Variants in SORCS3 observed in about 807,000 individuals in gnomAD.
The protein encoded by SORCS3 is VPS10 domain-containing receptor SorCS3.
Under a neutral mutation model 146.3 loss-of-function variants are expected in SORCS3, and 57 were observed. The ratio of observed to expected loss-of-function variants is 0.39; its 90% CI spans 0.31 to 0.49. The LOEUF (loss-of-function observed/expected upper bound fraction) is 0.49. Ranked by LOEUF, SORCS3 falls within the 20% of genes least tolerant of loss-of-function variation. The probability of loss-of-function intolerance (pLI) is 0.92; values close to 1 mark genes in which losing one functional copy is unlikely to be tolerated. For synonymous variants in SORCS3, 653 were observed against 618.5 expected, an observed-to-expected ratio of 1.06 and a Z score of -0.83; for missense variants, 1,341 against 1,575.5, an observed-to-expected ratio of 0.85 and a Z score of 2.52.
chr10:104,961,171 C>T (rs1253238424), intron 3 of SORCS3, among the ~76,000 whole-genome samples: 1 of 152,082 alleles, frequency 6.6e-6, no homozygotes, highest in Non-Finnish European at 1.5e-5. Flanking sequence ...CCACTGTGGT[C>T]CCAGATGTGC....
intron 2 of SORCS3, among the ~76,000 whole-genome samples, chr10:104,847,267 G>A (rs2018216385): frequency 6.6e-6 from 1 of 152,168 alleles, no homozygotes; most frequent in African/African-American, 2.4e-5. Context: ...ACTGCTCGAG[G>A]TTATTAAATC....
At chr10:105,033,727 TA>T (rs2055286104) in intron 4 of SORCS3, among the ~76,000 whole-genome samples, 1 of 152,206 alleles carries the variant, frequency 6.6e-6, no homozygotes, top group African/African-American at 2.4e-5. Context: ...AGATGGTGTT[TA>T]TAGGATACTG....
At chr10:104,652,701 T>A (rs551764172) in intron 1 of SORCS3, among the ~76,000 whole-genome samples, 10 of 152,334 alleles carry the variant, frequency 6.6e-5, no homozygotes, top group African/African-American at 2.4e-4. Context: ...CTGATAATAA[T>A]AAAATTCTCA....
intron 20 of SORCS3, among the ~76,000 whole-genome samples, chr10:105,242,476 T>TTTA (rs1564793491): frequency 2.2e-3 from 176 of 79,638 alleles, no homozygotes; most frequent in African/African-American, 7.1e-3. Flanking sequence ...ATTTATATAT[T>TTTA]TATATATTTA....
At chr10:104,973,306 C>G (rs2133644985) in intron 3 of SORCS3, among the ~76,000 whole-genome samples, 1 of 151,440 alleles carries the variant, frequency 6.6e-6, no homozygotes, top group African/African-American at 2.4e-5. Context: ...TAGAATTCGG[C>G]TGTGAATCCA....
intron 13 of SORCS3, among the ~76,000 whole-genome samples, chr10:105,175,151 G>A (rs1201104158): frequency 1.3e-5 from 2 of 151,864 alleles, no homozygotes; most frequent in Admixed American, 6.6e-5. Context: ...AGATTCAAGC[G>A]ATTCTCCTGC....
At chr10:105,164,282 A>C in intron 11 of SORCS3, 21 bp from the exon 12 acceptor site, 1 of 1,600,042 alleles carries the variant, frequency 6.2e-7, no homozygotes, top group Non-Finnish European at 8.6e-7. Context: ...GACAATCTCA[A>C]ATGATCTGCT....
At chr10:104,828,571 G>A (rs2017965333) in intron 1 of SORCS3, among the ~76,000 whole-genome samples, 1 of 152,136 alleles carries the variant, frequency 6.6e-6, no homozygotes, top group South Asian at 2.1e-4. Context: ...TTTCCAAAAT[G>A]TGACGCAGGG....
At chr10:104,961,538 T>C (rs1169846710) in intron 3 of SORCS3, among the ~76,000 whole-genome samples, 2 of 152,178 alleles carry the variant, frequency 1.3e-5, no homozygotes, top group Non-Finnish European at 2.9e-5. Context: ...GATTTGCTTT[T>C]TAAAATTACT....
intron 2 of SORCS3, among the ~76,000 whole-genome samples, chr10:104,864,088 C>T (rs1409023275): frequency 2.0e-5 from 3 of 152,032 alleles, no homozygotes; most frequent in Admixed American, 1.3e-4. Flanking sequence ...TAATATTATC[C>T]TAATTTAAAC....
At chr10:104,772,452 T>C (rs1589493582) in intron 1 of SORCS3, among the ~76,000 whole-genome samples, 1 of 152,202 alleles carries the variant, frequency 6.6e-6, no homozygotes, top group African/African-American at 2.4e-5. Flanking sequence ...TTCCACCAGG[T>C]TGGCTGCAGC....
At chr10:104,742,639 C>A (rs2016861792) in intron 1 of SORCS3, among the ~76,000 whole-genome samples, 1 of 152,178 alleles carries the variant, frequency 6.6e-6, no homozygotes, top group Admixed American at 6.5e-5. Context: ...GGGCCTGGGG[C>A]CTCAAGAGGT....
At chr10:104,770,947 T>C (rs577844116) in intron 1 of SORCS3, among the ~76,000 whole-genome samples, 1 of 152,380 alleles carries the variant, frequency 6.6e-6, no homozygotes, top group East Asian at 1.9e-4. Context: ...ATTATTGTCA[T>C]CTTTAACATT....
chr10:104,860,489 C>A (rs938246726), intron 2 of SORCS3, among the ~76,000 whole-genome samples: 13 of 147,874 alleles, frequency 8.8e-5, no homozygotes, highest in African/African-American at 3.0e-4. Context: ...TTAATGGGTG[C>A]AGCACACCAG....
intron 2 of SORCS3, among the ~76,000 whole-genome samples, chr10:104,870,129 C>A (rs768236653): frequency 6.6e-6 from 1 of 152,202 alleles, no homozygotes; most frequent in African/African-American, 2.4e-5. Flanking sequence ...TAAATGTCAA[C>A]AATTCTCTTA....
intron 3 of SORCS3, among the ~76,000 whole-genome samples, chr10:104,930,930 C>G (rs941468538): frequency 1.3e-5 from 2 of 152,128 alleles, no homozygotes; most frequent in Non-Finnish European, 2.9e-5. Flanking sequence ...CCCGTGGTAC[C>G]CTGTAAGTAA....
chr10:105,093,493 T>C (rs1428676863), intron 6 of SORCS3, among the ~76,000 whole-genome samples: 2 of 152,000 alleles, frequency 1.3e-5, no homozygotes, highest in African/African-American at 2.4e-5. Flanking sequence ...TACATGCAAA[T>C]CAATATCCAA....
At chr10:105,164,207 T>C in intron 11 of SORCS3, 96 bp from the exon 12 acceptor site, 2 of 887,780 alleles carry the variant, frequency 2.3e-6, no homozygotes, top group Admixed American at 3.9e-5. Flanking sequence ...AAATATCACT[T>C]AGAAAACCTT....
At chr10:104,798,765 C>T (rs1438362950) in intron 1 of SORCS3, among the ~76,000 whole-genome samples, 1 of 152,030 alleles carries the variant, frequency 6.6e-6, no homozygotes, top group Non-Finnish European at 1.5e-5. Flanking sequence ...AACAGGCAAC[C>T]TACAGAATGG....
Sources: allele counts gnomAD v4.1 joint callset (sites outside exome capture counted in the v4.1 genomes callset), GRCh38; gene constraint gnomAD v4.1.1; transcripts MANE v1.5; gene names NCBI Gene and HGNC (gene_info 2026-07-23, HGNC 2026-07-21).